Variants in SYNPR observed in about 807,000 individuals in gnomAD.
The protein encoded by SYNPR is synaptoporin.
Under a neutral mutation model 32.9 loss-of-function variants are expected in SYNPR, and 23 were observed. That is an observed-to-expected ratio of 0.70 (90% CI 0.50 to 0.99). The LOEUF is 0.99. Ranked by LOEUF, SYNPR falls within the 50% of genes least tolerant of loss-of-function variation. The pLI is 0.00. For synonymous variants in SYNPR, 146 were observed against 135.9 expected, an observed-to-expected ratio of 1.07 and a Z score of -0.52; for missense variants, 318 against 349.3, an observed-to-expected ratio of 0.91 and a Z score of 0.71.
chr3:63,551,613 A>G (rs1178349078), intron 3 of SYNPR, among the ~76,000 whole-genome samples: 1 of 152,112 alleles, frequency 6.6e-6, no homozygotes, highest in Non-Finnish European at 1.5e-5. Context: ...CTTTCTTTTT[A>G]TAGCCACCCT....
intron 4 of SYNPR, among the ~76,000 whole-genome samples, chr3:63,560,405 G>A (rs1417029850): frequency 6.6e-6 from 1 of 152,188 alleles, no homozygotes; most frequent in African/African-American, 2.4e-5. Context: ...TTTGTGAAGA[G>A]CAGGTTTAAG....
intron 2 of SYNPR, among the ~76,000 whole-genome samples, chr3:63,476,141 G>GAAGGAAGGAAGGAAGGAAA (rs1700902622): frequency 3.0e-5 from 1 of 32,996 alleles, no homozygotes; most frequent in Non-Finnish European, 5.3e-5. Flanking sequence ...AAGGAAGGAA[G>GAAGGAAGGAAGGAAGGAAA]GAAGGAAGGG....
chr3:63,429,754 C>T (rs1364006010), intron 2 of SYNPR, among the ~76,000 whole-genome samples: 1 of 152,168 alleles, frequency 6.6e-6, no homozygotes, highest in African/African-American at 2.4e-5. Context: ...TTTCTTTGCC[C>T]TTATGTAAAA....
At chr3:63,290,699 T>C (rs557151256) in intron 2 of SYNPR, among the ~76,000 whole-genome samples, 159 of 152,250 alleles carry the variant, frequency 1.0e-3, no homozygotes, top group African/African-American at 3.7e-3. Flanking sequence ...TTTAGTAAGA[T>C]TATGAACATC....
At chr3:63,268,875 T>C (rs2086511968) in intron 3 of SYNPR, among the ~76,000 whole-genome samples, 1 of 152,246 alleles carries the variant, frequency 6.6e-6, no homozygotes, top group East Asian at 1.9e-4. Flanking sequence ...TTTCCAATTG[T>C]ACTATCTTTT....
At chr3:63,427,459 A>G (rs1042239709) in intron 2 of SYNPR, 7 of 152,224 alleles carry the variant, frequency 4.6e-5, no homozygotes, top group Admixed American at 4.6e-4. Flanking sequence ...CATACTTAGA[A>G]CAAGGGTCTC....
intron 3 of SYNPR, among the ~76,000 whole-genome samples, chr3:63,537,450 A>G (rs1290009336): frequency 6.6e-6 from 1 of 152,072 alleles, no homozygotes; most frequent in Non-Finnish European, 1.5e-5. Flanking sequence ...AGACATCTTT[A>G]TTCTGGCACA....
At chr3:63,316,236 A>T (rs2087042176) in intron 2 of SYNPR, among the ~76,000 whole-genome samples, 1 of 152,046 alleles carries the variant, frequency 6.6e-6, no homozygotes. Context: ...TATTAGGGTG[A>T]TGCTGGCTTC....
At chr3:63,538,579 G>A (rs1702247965) in intron 3 of SYNPR, among the ~76,000 whole-genome samples, 1 of 151,970 alleles carries the variant, frequency 6.6e-6, no homozygotes. Flanking sequence ...TAGAAAGTGG[G>A]CAGAAGTGAT....
At chr3:63,555,989 G>A (rs1187946740) in intron 3 of SYNPR, among the ~76,000 whole-genome samples, 1 of 152,234 alleles carries the variant, frequency 6.6e-6, no homozygotes, top group Non-Finnish European at 1.5e-5. Context: ...GAGATGTTGA[G>A]CTGATGTCTG....
At chr3:63,234,163 A>C (rs2086184265) in intron 1 of SYNPR, among the ~76,000 whole-genome samples, 1 of 152,176 alleles carries the variant, frequency 6.6e-6, no homozygotes, top group Non-Finnish European at 1.5e-5. Flanking sequence ...AAGGAGGAGC[A>C]AGTCACGTCT....
rs149215699 is a variant in SYNPR at position 63,335,446 on chromosome 3, A to C, written c.84+56704A>C. 1.4e-3 allele frequency among the ~76,000 whole-genome samples: 209 copies of C among 152,162 alleles called. 1 individual carries two copies. The highest frequency in any genetic ancestry group is 4.9e-3 in the African/African-American group (204 of 41,536). On this transcript the variant is annotated intron_variant, in intron 2 of 5. Coordinates refer to ENST00000478300, the MANE Select transcript of SYNPR (RefSeq NM_001130003.2). ...TTTGGTGCACTGGCACGTGAAGAAA[A>C]TCAGGGCCAATTGAAGCCACTGTAC... is the stretch of plus-strand genomic sequence containing the variant.
rs1700280841 is a variant in SYNPR at position 63,616,526 on chromosome 3, T to G, written c.*1045T>G. The G allele has an allele frequency of 3.3e-5, 5 of 152,654 alleles. No homozygotes were observed. The South Asian group carries it at 1.0e-3, about 32-fold the overall frequency. The allele number at this position is 152,654 out of a possible 1,614,324, so 9.5% of individuals were successfully genotyped here. On this transcript the variant is annotated 3_prime_UTR_variant, in exon 6 of 6. Transcript: ENST00000478300. ...GCTAATATGCTCCTCAATGTAATTATTAAAAATTCTCAAGTCACAGCTAAA... is the reference window on the plus strand; with the variant it reads ...GCTAATATGCTCCTCAATGTAATTAGTAAAAATTCTCAAGTCACAGCTAAA...
At chr3:63,304,301 C>A (rs1311128610) in intron 2 of SYNPR, among the ~76,000 whole-genome samples, 1 of 151,710 alleles carries the variant, frequency 6.6e-6, no homozygotes, top group Non-Finnish European at 1.5e-5. Context: ...AACAGTAAGA[C>A]CTTCAATCAC....
chr3:63,526,790 A>G (rs1193008098), intron 3 of SYNPR, among the ~76,000 whole-genome samples: 2 of 152,332 alleles, frequency 1.3e-5, no homozygotes, highest in East Asian at 3.9e-4. Flanking sequence ...CCAAGGAACA[A>G]GCCTGGAAAT....
chr3:63,361,549 G>T (rs531800066), intron 2 of SYNPR, among the ~76,000 whole-genome samples: 4 of 144,358 alleles, frequency 2.8e-5, no homozygotes, highest in East Asian at 4.4e-4. Flanking sequence ...AGTGAGCAGA[G>T]ATTGCACCAC....
intron 2 of SYNPR, among the ~76,000 whole-genome samples, chr3:63,395,398 G>A (rs937128295): frequency 3.9e-5 from 6 of 152,254 alleles, no homozygotes; most frequent in East Asian, 3.9e-4. Context: ...GGCAAAATAC[G>A]TGTAGTAATA....
rs538440511 is a variant in SYNPR at position 63,299,113 on chromosome 3, A to G, written c.84+20371A>G. ...AGAATAAATCTATTCTGACCCTTCA[A>G]TATGTTGGGGATTGCAAGAAGCAAT... On this transcript the variant is annotated intron_variant, in intron 2 of 5. Transcript: ENST00000478300. Among the ~76,000 whole-genome samples, 5 of 152,250 alleles carry G rather than the reference A, an allele frequency of 3.3e-5. 1 individual carries two copies. The South Asian group carries it at 1.0e-3, about 32-fold the overall frequency.
chr3:63,388,556 T>TTTTGTGTGTG (rs1338505690), intron 2 of SYNPR, among the ~76,000 whole-genome samples: 44 of 128,084 alleles, frequency 3.4e-4, no homozygotes, highest in African/African-American at 1.0e-3. Context: ...CCCGGCTAAT[T>TTTTGTGTGTG]TGTGTGTGTG....
Sources: gnomAD v4.1 joint callset for allele counts (sites outside exome capture counted in the v4.1 genomes callset) on GRCh38, gnomAD v4.1.1 for gene constraint, MANE v1.5 for transcripts, NCBI Gene and HGNC (gene_info 2026-07-23, HGNC 2026-07-21) for gene names.